The following BTG4 variants were observed in gnomAD, a reference collection of about 807,000 sequenced individuals.
BTG4 encodes the protein BTG anti-proliferation factor 4, also known as protein BTG4.
In BTG4, 10 loss-of-function variants were observed where a neutral mutation model predicts 19.3. The observed-to-expected ratio is 0.52, with a 90% CI of 0.32 to 0.88. BTG4 has a LOEUF of 0.88. BTG4 is among the 40% of genes least tolerant of loss of function. The pLI is 0.04. For synonymous variants in BTG4, 91 were observed against 95.7 expected, an observed-to-expected ratio of 0.95 and a Z score of 0.29; for missense variants, 238 against 281.9, an observed-to-expected ratio of 0.84 and a Z score of 1.11.
At chr11:111,386,526 G>C in the BTG4 span, among the ~76,000 whole-genome samples, 2 of 152,160 alleles carry the variant, frequency 1.3e-5, no homozygotes, top group African/African-American at 4.8e-5. Context: ...AGGATTTCTT[G>C]ACCCTACAGA....
intron 1 of BTG4, among the ~76,000 whole-genome samples, chr11:111,510,032 C>T (rs980712111): frequency 6.6e-6 from 1 of 151,552 alleles, no homozygotes; most frequent in African/African-American, 2.4e-5. Context: ...CCACCTCAGC[C>T]TTCCAAGTAG....
the BTG4 span, among the ~76,000 whole-genome samples, chr11:111,411,425 C>T: frequency 1.3e-5 from 2 of 152,302 alleles, no homozygotes; most frequent in East Asian, 1.9e-4. Flanking sequence ...CTCCTTTCTT[C>T]GGGTCACTGA....
chr11:111,419,209 G>A, the BTG4 span, among the ~76,000 whole-genome samples: 3 of 152,200 alleles, frequency 2.0e-5, no homozygotes, highest in Non-Finnish European at 4.4e-5. Context: ...GGAGAAGAAG[G>A]AGGCTGCACA....
chr11:111,486,205 G>T (rs867876680), intron 5 of BTG4, among the ~76,000 whole-genome samples: 1 of 152,202 alleles, frequency 6.6e-6, no homozygotes, highest in Non-Finnish European at 1.5e-5. Flanking sequence ...GAAGGCCAAG[G>T]TGGGTAGATC....
the BTG4 span, among the ~76,000 whole-genome samples, chr11:111,419,058 T>G: frequency 1.1e-4 from 16 of 152,200 alleles, no homozygotes; most frequent in Non-Finnish European, 1.9e-4. Flanking sequence ...TAATCTCTTC[T>G]CATAAGGACA....
the BTG4 span, among the ~76,000 whole-genome samples, chr11:111,442,662 C>A: frequency 6.6e-6 from 1 of 151,258 alleles, no homozygotes; most frequent in Non-Finnish European, 1.5e-5. Context: ...CCGTAGCCCA[C>A]TGGCAGAGCT....
chr11:111,414,708 G>C, the BTG4 span: 3 of 152,182 alleles, frequency 2.0e-5, no homozygotes, highest in Non-Finnish European at 4.4e-5. Flanking sequence ...ATGAGATCCG[G>C]GTCACTTGAA....
chr11:111,497,945 C>CT, intron 3 of BTG4, 53 bp downstream of exon 3: 1 of 1,575,532 alleles, frequency 6.3e-7, no homozygotes, highest in South Asian at 1.2e-5. Flanking sequence ...GTAAAGTTGT[C>CT]TAACTTAAGG....
the BTG4 span, among the ~76,000 whole-genome samples, chr11:111,409,970 C>T: frequency 3.7e-4 from 57 of 152,298 alleles, no homozygotes; most frequent in African/African-American, 1.0e-3. Flanking sequence ...AGGTGAAGGA[C>T]TCATTCTTCC....
In BTG4 at chr11:111,498,727, T is replaced by C. The variant is rs753489315; in HGVS notation, c.50A>G (p.Lys17Arg). 5.6e-6 allele frequency: 9 copies of C among 1,613,270 alleles called. No individual in the cohort carries two copies. The highest frequency in any genetic ancestry group is 4.4e-5 in the South Asian group (4 of 90,732). The change falls in exon 2 of 5, where the codon AAA (lysine) becomes AGA (arginine). Residue 17 changes from lysine (K) to arginine (R), a missense_variant. Physicochemically the swap from Lys to Arg is conservative, Grantham distance 26. Coordinates refer to ENST00000692032, the MANE Select transcript of BTG4 (RefSeq NM_001367975.1). ...TTVFFVTRLVKKHDKLSKQQI... is the reference protein window; with the variant it reads ...TTVFFVTRLVRKHDKLSKQQI... Reference sequence around the variant, plus strand: ...CTGTTTACTTAGTTTATCATGTTTTTTCACCAATCTTGTGACAAAGAAAAC... The same window carrying C: ...CTGTTTACTTAGTTTATCATGTTTTCTCACCAATCTTGTGACAAAGAAAAC...
At chr11:111,421,341 A>G in the BTG4 span, among the ~76,000 whole-genome samples, 1 of 152,150 alleles carries the variant, frequency 6.6e-6, no homozygotes, top group African/African-American at 2.4e-5. Context: ...AAAGGAGGAG[A>G]CCTGGCTTTG....
intron 5 of BTG4, among the ~76,000 whole-genome samples, chr11:111,470,727 G>A (rs541232862): frequency 1.5e-3 from 231 of 152,096 alleles, no homozygotes; most frequent in Non-Finnish European, 2.7e-3. Flanking sequence ...GACCAGCCTG[G>A]GCAACACAGT....
chr11:111,395,823 C>T, the BTG4 span, among the ~76,000 whole-genome samples: 1 of 152,226 alleles, frequency 6.6e-6, no homozygotes, highest in Non-Finnish European at 1.5e-5. Context: ...CTGCCCTAGG[C>T]AATGCCCCCT....
chr11:111,439,187 T>C, the BTG4 span, among the ~76,000 whole-genome samples: 1 of 152,216 alleles, frequency 6.6e-6, no homozygotes, highest in African/African-American at 2.4e-5. Flanking sequence ...AGTTTAAAGT[T>C]TAATCTCCTT....
chr11:111,399,488 C>T, the BTG4 span, among the ~76,000 whole-genome samples: 2 of 152,164 alleles, frequency 1.3e-5, no homozygotes, highest in South Asian at 4.1e-4. Context: ...CTGAGCAGAG[C>T]AAATTCAGCC....
At chr11:111,438,638 C>T in the BTG4 span, among the ~76,000 whole-genome samples, 4 of 152,204 alleles carry the variant, frequency 2.6e-5, no homozygotes, top group Non-Finnish European at 5.9e-5. Flanking sequence ...AGCTCTGCAC[C>T]TTGCCAAGAG....
chr11:111,447,076 G>A, the BTG4 span, among the ~76,000 whole-genome samples: 6 of 152,118 alleles, frequency 3.9e-5, no homozygotes, highest in Non-Finnish European at 5.9e-5. Flanking sequence ...CCTGTGCCCC[G>A]GGAACTTTCC....
At chr11:111,399,948 C>T in the BTG4 span, among the ~76,000 whole-genome samples, 4 of 152,098 alleles carry the variant, frequency 2.6e-5, no homozygotes, top group Non-Finnish European at 5.9e-5. Context: ...TAAGTATGGC[C>T]TGGATAGAGG....
the BTG4 span, among the ~76,000 whole-genome samples, chr11:111,392,226 AG>A: frequency 8.5e-6 from 1 of 118,232 alleles, no homozygotes; most frequent in Admixed American, 1.2e-4. Flanking sequence ...CACCCAGGCT[AG>A]AGTGCAGCGG....
Sources: allele counts gnomAD v4.1 joint callset (sites outside exome capture counted in the v4.1 genomes callset), GRCh38; gene constraint gnomAD v4.1.1; transcripts MANE v1.5; gene names NCBI Gene and HGNC (gene_info 2026-07-23, HGNC 2026-07-21).